Variants in ASH2L observed in about 807,000 individuals in gnomAD.
ASH2L encodes the protein ASH2 like, histone lysine methyltransferase complex subunit, also known as set1/Ash2 histone methyltransferase complex subunit ASH2.
A neutral mutation model predicts 81.1 loss-of-function variants in ASH2L; 30 were observed. The ratio of observed to expected loss-of-function variants is 0.37; its 90% CI spans 0.28 to 0.50. ASH2L has a LOEUF of 0.50. Among genes scored for constraint, ASH2L ranks in the 20% least tolerant of loss-of-function variants. The probability of loss-of-function intolerance (pLI) is 0.95; values close to 1 mark genes in which losing one functional copy is unlikely to be tolerated. For synonymous variants in ASH2L, 273 were observed against 279.9 expected (o/e 0.98, Z 0.24); for missense variants, 559 against 792.1 (o/e 0.71, Z 3.53).
chr8:38,116,061 T>C (rs1810883256), intron 7 of ASH2L, among the ~76,000 whole-genome samples: 1 of 151,210 alleles, frequency 6.6e-6, no homozygotes, highest in Non-Finnish European at 1.5e-5. Context: ...ACTCTATCTC[T>C]AGTGAAAATA....
chr8:38,126,203 CA>C (rs766575804), intron 10 of ASH2L, among the ~76,000 whole-genome samples: 49 of 128,144 alleles, frequency 3.8e-4, no homozygotes, highest in Admixed American at 3.1e-4. Context: ...ACTCTATCTC[CA>C]AAAAAAAAAA....
At chr8:38,113,485 T>C (rs1417895928) in intron 5 of ASH2L, among the ~76,000 whole-genome samples, 1 of 152,144 alleles carries the variant, frequency 6.6e-6, no homozygotes, top group Non-Finnish European at 1.5e-5. Context: ...CTGGTGGTGG[T>C]GCTTTTGAAG....
intron 10 of ASH2L, among the ~76,000 whole-genome samples, chr8:38,125,538 G>A (rs1346429874): frequency 6.6e-6 from 1 of 151,674 alleles, no homozygotes; most frequent in Non-Finnish European, 1.5e-5. Context: ...AACCTGGGAG[G>A]CGGAGGTTGC....
At chr8:38,119,617 C>A (rs1038632601) in intron 9 of ASH2L, among the ~76,000 whole-genome samples, 3 of 150,142 alleles carry the variant, frequency 2.0e-5, no homozygotes, top group Admixed American at 2.0e-4. Context: ...ACCAGCCTGG[C>A]CAACATGGCG....
At chr8:38,129,504 GA>G (rs1801973872) in intron 12 of ASH2L, among the ~76,000 whole-genome samples, 1 of 152,118 alleles carries the variant, frequency 6.6e-6, no homozygotes, top group Admixed American at 6.6e-5. Flanking sequence ...CCAGCTACTT[GA>G]AAAGCTGAGA....
chr8:38,123,067 G>A (rs1801696327), intron 10 of ASH2L, among the ~76,000 whole-genome samples: 1 of 142,764 alleles, frequency 7.0e-6, no homozygotes. Context: ...TGCACATAAA[G>A]TAGTTTCAGA....
chr8:38,128,485 C>T (rs757308686), intron 11 of ASH2L, 27 bp downstream of exon 11: 1 of 1,610,350 alleles, frequency 6.2e-7, no homozygotes, highest in East Asian at 2.2e-5. Flanking sequence ...ATATGGACAT[C>T]ACAGCAGATA....
upstream of ASH2L, chr8:38,105,513 AAG>A (rs1302492234): frequency 2.7e-6 from 4 of 1,508,352 alleles, no homozygotes; most frequent in East Asian, 2.6e-5. Context: ...CGCGCGAGAG[AAG>A]AGAGTATTCT....
chr8:38,109,604 A>G (rs901116811), intron 3 of ASH2L, among the ~76,000 whole-genome samples: 1 of 152,132 alleles, frequency 6.6e-6, no homozygotes, highest in Non-Finnish European at 1.5e-5. Context: ...CGTCTCTGCC[A>G]TATTGTCTTT....
At chr8:38,123,074 C>A (rs1163106437) in intron 10 of ASH2L, among the ~76,000 whole-genome samples, 2 of 137,862 alleles carry the variant, frequency 1.5e-5, no homozygotes, top group Admixed American at 8.0e-5. Flanking sequence ...AAAGTAGTTT[C>A]AGAATTTCTT....
At chr8:38,119,524 G>A (rs1811047612) in intron 9 of ASH2L, among the ~76,000 whole-genome samples, 161 bp downstream of exon 9, 1 of 152,174 alleles carries the variant, frequency 6.6e-6, no homozygotes, top group Non-Finnish European at 1.5e-5. Context: ...CCAGGTTGGA[G>A]GCCAGGCGCA....
At chr8:38,131,917 C>T (rs1168946007) in intron 12 of ASH2L, among the ~76,000 whole-genome samples, 5 of 151,528 alleles carry the variant, frequency 3.3e-5, no homozygotes, top group African/African-American at 9.7e-5. Context: ...TACGCAGTCT[C>T]GGCATACTGC....
At chr8:38,110,644 A>G (rs536596208) in intron 4 of ASH2L, 95 bp from the exon 5 acceptor site, 15 of 1,216,126 alleles carry the variant, frequency 1.2e-5, no homozygotes, top group Middle Eastern at 3.8e-4. Context: ...TTTTGCTGCT[A>G]TAATTGTTAT....
Position 38,135,255 on chromosome 8 carries a change from C to G in ASH2L, c.1621-413C>G, listed in dbSNP as rs112265826. ...CAAAGCCCCGGACTTTGAGACCAGT[C>G]TGGGCAATACAGTGAGATCTGTCTC... On this transcript the variant is annotated intron_variant, in intron 13 of 15. Transcript: ENST00000343823. 2.4e-3 allele frequency among the ~76,000 whole-genome samples: 361 copies of G among 152,160 alleles called. 1 individual carries two copies. Among genetic ancestry groups the G allele is most frequent in the African/African-American group, 7.8e-3 (322 of 41,516 alleles).
chr8:38,123,725 ACT>A (rs1270575342), intron 10 of ASH2L, among the ~76,000 whole-genome samples: 1 of 151,620 alleles, frequency 6.6e-6, no homozygotes, highest in South Asian at 2.1e-4. Context: ...TGCCCTTCTC[ACT>A]CTCTTTTTTC....
intron 6 of ASH2L, among the ~76,000 whole-genome samples, chr8:38,114,510 A>C (rs1363439150): frequency 1.3e-5 from 2 of 152,200 alleles, no homozygotes; most frequent in Non-Finnish European, 2.9e-5. Flanking sequence ...ACCTGGTTTT[A>C]TGTATTGAAA....
At chr8:38,132,038 G>A (rs1408130493) in intron 12 of ASH2L, among the ~76,000 whole-genome samples, 2 of 152,092 alleles carry the variant, frequency 1.3e-5, no homozygotes, top group Non-Finnish European at 2.9e-5. Flanking sequence ...TAGTAGAGAC[G>A]GGGTTGCGCC....
chr8:38,131,987 T>C (rs867085716), intron 12 of ASH2L, among the ~76,000 whole-genome samples: 116 of 152,274 alleles, frequency 7.6e-4, no homozygotes, highest in African/African-American at 2.6e-3. Flanking sequence ...CAGCCAGGAT[T>C]ACAGGCGTGC....
At chr8:38,119,200 T>C (rs1811031452) in intron 8 of ASH2L, 70 bp from the exon 9 acceptor site, 1 of 1,378,478 alleles carries the variant, frequency 7.3e-7, no homozygotes, top group Non-Finnish European at 1.0e-6. Flanking sequence ...TGTTGGTCCC[T>C]ATGGAATTTC....
Sources: allele counts gnomAD v4.1 joint callset (sites outside exome capture counted in the v4.1 genomes callset), GRCh38; gene constraint gnomAD v4.1.1; transcripts MANE v1.5; gene names NCBI Gene and HGNC (gene_info 2026-07-23, HGNC 2026-07-21).